Variants in ZSWIM5 observed in about 807,000 individuals in gnomAD.
ZSWIM5 encodes zinc finger SWIM domain-containing protein 5.
Under a neutral mutation model 119.6 loss-of-function variants are expected in ZSWIM5, and 55 were observed. That is an observed-to-expected ratio of 0.46 (90% CI 0.37 to 0.58). The LOEUF is 0.58. Among genes scored for constraint, ZSWIM5 ranks in the 20% least tolerant of loss-of-function variants. The pLI is 0.00. For synonymous variants in ZSWIM5, 537 were observed against 606.9 expected (o/e 0.88, Z 1.69); for missense variants, 1,193 against 1,512.8 (o/e 0.79, Z 3.51).
At chr1:45,074,224 G>T (rs1162028250) in intron 2 of ZSWIM5, among the ~76,000 whole-genome samples, 1 of 151,886 alleles carries the variant, frequency 6.6e-6, no homozygotes, top group Non-Finnish European at 1.5e-5. Flanking sequence ...TCTGGTTTTG[G>T]TATCAGGGTA....
At chr1:45,121,606 T>C (rs1158504690) in intron 1 of ZSWIM5, among the ~76,000 whole-genome samples, 4 of 131,968 alleles carry the variant, frequency 3.0e-5, no homozygotes, top group African/African-American at 1.1e-4. Context: ...CTTCTTCTTT[T>C]TTTTTTTTTT....
chr1:45,028,712 C>T (rs1019803750), intron 11 of ZSWIM5, among the ~76,000 whole-genome samples: 9 of 151,784 alleles, frequency 5.9e-5, no homozygotes, highest in Non-Finnish European at 8.8e-5. Context: ...GCTGAAATCG[C>T]GCCACTCATT....
At chr1:45,127,458 A>T (rs1374597412) in intron 1 of ZSWIM5, among the ~76,000 whole-genome samples, 54 of 148,430 alleles carry the variant, frequency 3.6e-4, no homozygotes, top group East Asian at 7.8e-4. Flanking sequence ...TTTTTTTTTT[A>T]AAAGAGACAG....
Position 45,206,214 on chromosome 1 carries a change from C to T in ZSWIM5, c.137G>A (p.Gly46Asp), listed in dbSNP as rs1646189788. 6.3e-7 allele frequency: 1 copy of T among 1,589,876 alleles called. No homozygotes were observed. Among genetic ancestry groups the T allele is most frequent in the East Asian group, 2.3e-5 (1 of 43,512 alleles). The stretch of plus-strand genomic sequence containing the variant: ...GAGGACCAGGCAGCTGCTGCCGACG[C>T]CCCCTGCCCCTCCGCCGGCTGCCCC... ...SPGAAGGGAG[G>D]VGSSCLVLGA... The change falls in exon 1 of 14, where the codon GGC (glycine) becomes GAC (aspartate). Residue 46 changes from glycine (G) to aspartate (D), a missense_variant. Gly to Asp is a moderately conservative substitution (Grantham distance 94). Coordinates refer to ENST00000359600, the MANE Select transcript of ZSWIM5 (RefSeq NM_020883.2).
chr1:45,095,818 G>A (rs894264466), intron 1 of ZSWIM5, among the ~76,000 whole-genome samples: 12 of 152,062 alleles, frequency 7.9e-5, no homozygotes, highest in Admixed American at 1.3e-4. Context: ...TTCATCAGGC[G>A]TGAATTTATT....
At chr1:45,182,398 C>T (rs930770738) in intron 1 of ZSWIM5, among the ~76,000 whole-genome samples, 12 of 136,398 alleles carry the variant, frequency 8.8e-5, no homozygotes, top group South Asian at 2.1e-4. Context: ...AACGAGACTC[C>T]GTCTCAAAAA....
intron 4 of ZSWIM5, among the ~76,000 whole-genome samples, chr1:45,056,588 G>A (rs61788383): frequency 0.075 from 10,656 of 142,238 alleles, 462 homozygotes; most frequent in Non-Finnish European, 0.1. Context: ...TCCATCCTGG[G>A]TGACAGAGTG....
At chr1:45,106,301 G>T (rs1269847417) in intron 1 of ZSWIM5, among the ~76,000 whole-genome samples, 1 of 131,144 alleles carries the variant, frequency 7.6e-6, no homozygotes, top group African/African-American at 3.0e-5. Context: ...GCCTCTGCCT[G>T]GCCGCCCATC....
chr1:45,172,680 C>T (rs1403758572), intron 1 of ZSWIM5, among the ~76,000 whole-genome samples: 1 of 152,044 alleles, frequency 6.6e-6, no homozygotes, highest in African/African-American at 2.4e-5. Flanking sequence ...AAATATCCTC[C>T]CCCAAAAGGA....
intron 1 of ZSWIM5, among the ~76,000 whole-genome samples, chr1:45,193,938 G>GTGTGTATATATATATATATATATA (rs766920512): frequency 2.1e-5 from 3 of 146,210 alleles, no homozygotes; most frequent in African/African-American, 7.6e-5. Context: ...GTGCATATGT[G>GTGTGTATATATATATATATATATA]TATATATATA....
intron 1 of ZSWIM5, among the ~76,000 whole-genome samples, chr1:45,198,125 T>A (rs1393170331): frequency 6.6e-6 from 1 of 152,220 alleles, no homozygotes; most frequent in Non-Finnish European, 1.5e-5. Flanking sequence ...ACATCTCAAT[T>A]TGTACAGCTT....
intron 4 of ZSWIM5, among the ~76,000 whole-genome samples, chr1:45,056,301 T>C (rs1320147200): frequency 6.6e-6 from 1 of 151,920 alleles, no homozygotes; most frequent in Non-Finnish European, 1.5e-5. Flanking sequence ...AGATCAAAGA[T>C]ATTAGAGCAG....
chr1:45,124,704 T>C (rs1042473869), intron 1 of ZSWIM5, among the ~76,000 whole-genome samples: 4 of 152,048 alleles, frequency 2.6e-5, no homozygotes, highest in Non-Finnish European at 4.4e-5. Flanking sequence ...CCCAAGTATA[T>C]CCTGTCTAGA....
At chr1:45,085,519 AGTTT>A (rs1042446176) in intron 2 of ZSWIM5, among the ~76,000 whole-genome samples, 2 of 139,044 alleles carry the variant, frequency 1.4e-5, no homozygotes, top group Admixed American at 1.4e-4. Context: ...GTTTTAGGTT[AGTTT>A]GTTTGTTTTT....
At chr1:45,132,217 TA>T (rs1645661647) in intron 1 of ZSWIM5, among the ~76,000 whole-genome samples, 1 of 151,844 alleles carries the variant, frequency 6.6e-6, no homozygotes, top group Non-Finnish European at 1.5e-5. Flanking sequence ...CAACAAAAAA[TA>T]AGAAAAAAAC....
rs1253354070 is a variant in ZSWIM5, at chr1:45,019,367, G to C, written c.2696-51C>G. The stretch of plus-strand genomic sequence containing the variant: ...CGTGGCCATCTGGGTCCTGATTCAG[G>C]TCTACCCAGATTACCATTTGGGGTT... On this transcript the variant is annotated intron_variant, in intron 13 of 13. Transcript: ENST00000359600. This position sits in a 1 kb window ranked among gnomAD's most constrained non-coding sequence, Gnocchi z 5.0. 1.3e-6 allele frequency: 2 copies of C among 1,564,812 alleles called. No individual in the cohort carries two copies. The highest frequency in any genetic ancestry group is 3.5e-5 in the Admixed American group (2 of 56,642).
Position 45,201,004 on chromosome 1 carries a change from A to C in ZSWIM5, c.595+4752T>G, listed in dbSNP as rs148695693. On this transcript the variant is annotated intron_variant, in intron 1 of 13. Coordinates refer to ENST00000359600, the MANE Select transcript of ZSWIM5 (RefSeq NM_020883.2). ...TTGTGTATGTGATTGAGATGAGGTC[A>C]TACTGGAGTAGGGTGAGCCCCTAAT... is the stretch of plus-strand genomic sequence containing the variant. Among the ~76,000 whole-genome samples, 155 of 152,308 alleles carry C rather than the reference A, an allele frequency of 1.0e-3. 1 individual carries two copies. The highest frequency in any genetic ancestry group is 8.3e-3 in the South Asian group (40 of 4,834).
intron 1 of ZSWIM5, among the ~76,000 whole-genome samples, chr1:45,154,294 T>C (rs1445935626): frequency 6.6e-6 from 1 of 152,086 alleles, no homozygotes; most frequent in African/African-American, 2.4e-5. Flanking sequence ...TAGCCAAAGC[T>C]GGACTAAGCA....
Position 45,096,750 on chromosome 1 carries a change from G to C in ZSWIM5, c.596-8513C>G, listed in dbSNP as rs1356280006. ...TTCATGCCGTTCTATGGCTTAGACA[G>C]CTTCCCTACCTGACCTGTAGATTGT... On this transcript the variant is annotated intron_variant, in intron 1 of 13. Transcript: ENST00000359600. 4.6e-5 allele frequency among the ~76,000 whole-genome samples: 7 copies of C among 152,204 alleles called. No individual in the cohort carries two copies. In the South Asian group the frequency reaches 1.5e-3, roughly 32 times the overall value.
Sources: allele counts gnomAD v4.1 joint callset (sites outside exome capture counted in the v4.1 genomes callset), GRCh38; gene constraint gnomAD v4.1.1; non-coding constraint Gnocchi (gnomAD v3.1); transcripts MANE v1.5; gene names NCBI Gene and HGNC (gene_info 2026-07-23, HGNC 2026-07-21).